OR5AN1: variants seen among roughly 807,000 people sequenced by gnomAD.
OR5AN1 encodes olfactory receptor 5AN1.
For missense variants in OR5AN1, 476 were observed against 368.9 expected, an observed-to-expected ratio of 1.29 and a Z score of -2.38; for synonymous variants, 167 against 131.8, an observed-to-expected ratio of 1.27 and a Z score of -1.83.
Position 59,364,602 on chromosome 11 carries a change from T to C in OR5AN1, c.144T>C (p.Val48=). 5 of 1,614,060 alleles carry C rather than the reference T, an allele frequency of 3.1e-6. No individual in the cohort carries two copies. Among genetic ancestry groups the C allele is most frequent in the Non-Finnish European group, 4.2e-6 (5 of 1,179,942 alleles). ...TSLAWNLSLI[V]LIRMDSHLHT... is the part of the protein sequence containing the mutation. ...TGGCCTGGAACCTCTCCCTCATTGT[T>C]TTAATAAGGATGGATTCCCACCTCC... The change falls in exon 2 of 2, where the codon GTT becomes GTC. Residue 48 remains valine, a synonymous_variant. Coordinates refer to ENST00000641998, the MANE Select transcript of OR5AN1 (RefSeq NM_001004729.2).
intron 1 of OR5AN1, among the ~76,000 whole-genome samples, chr11:59,362,372 A>G (rs1857474246): frequency 6.6e-6 from 1 of 152,144 alleles, no homozygotes; most frequent in Non-Finnish European, 1.5e-5. Flanking sequence ...GATTATATAA[A>G]TACACATCTA....
intron 1 of OR5AN1, 128 bp downstream of exon 1, chr11:59,359,400 A>T (rs1490438680): frequency 2.6e-5 from 4 of 152,212 alleles, no homozygotes; most frequent in African/African-American, 7.2e-5. Context: ...TATGTTGTCT[A>T]TAAAGCCTGA....
rs1460597560 is a variant in OR5AN1, at chr11:59,366,923, C to G, written c.*1529C>G. The G allele has an allele frequency of 6.6e-6, 1 of 152,198 alleles. No individual in the cohort carries two copies. Among genetic ancestry groups the G allele is most frequent in the Non-Finnish European group, 1.5e-5 (1 of 68,030 alleles). The allele number at this position is 152,198 out of a possible 1,614,324, so 9.4% of individuals were successfully genotyped here. A position where few individuals can be genotyped will look rare whatever the true frequency, so the allele number is the denominator to read the frequency against. The stretch of plus-strand genomic sequence containing the variant: ...GTGAAGGGGTGGGAATCCAAACTAA[C>G]ATTGCAGATATCAAAGCCTCCTCCC... On this transcript the variant is annotated 3_prime_UTR_variant, in exon 2 of 2. Transcript: ENST00000641998.
In OR5AN1 at chr11:59,365,879, A is replaced by ACAGACAGAGG. The variant is rs1207521867; in HGVS notation, c.*486_*495dup. ...TGTGTTTCTGGATGGGAAAGAATAA[A>ACAGACAGAGG]CAGACAGAGGGGTTCTGCCATTGGA... On this transcript the variant is annotated 3_prime_UTR_variant, in exon 2 of 2. Transcript: ENST00000641998. 2 of 153,028 alleles carry ACAGACAGAGG rather than the reference A, an allele frequency of 1.3e-5. No homozygotes were observed. The highest frequency in any genetic ancestry group is 4.8e-5 in the African/African-American group (2 of 41,464). The allele number at this position is 153,028 out of a possible 1,614,324, so 9.5% of individuals were successfully genotyped here.
rs1438806346 is a variant in OR5AN1 at position 59,364,446 on chromosome 11, G to A, written c.-13G>A. 1 of 1,570,520 alleles carries A rather than the reference G, an allele frequency of 6.4e-7. No homozygotes were observed. On this transcript the variant is annotated splice_region_variant and 5_prime_UTR_variant, in exon 2 of 2. Transcript: ENST00000641998. ...TCTCTTGTCTCCTTTCTGATATTAG[G>A]AGCACTGAGCCAATGACTGGGGGAG...
rs550414339 is a variant in OR5AN1, at chr11:59,371,530, C to T, written c.*6136C>T. ...TATGCTCCAGCTTCCAGGACTCCTC[C>T]CTATGCCAGAGACATTATAATAACA... On this transcript the variant is annotated 3_prime_UTR_variant, in exon 2 of 2. Transcript: ENST00000641998. 1 of 152,156 alleles carries T rather than the reference C, an allele frequency of 6.6e-6. No homozygotes were observed. Among genetic ancestry groups the T allele is most frequent in the Admixed American group, 6.6e-5 (1 of 15,258 alleles). 9.4% of individuals were successfully genotyped at this position (152,156 alleles called of 1,614,324 possible). A position where few individuals can be genotyped will look rare whatever the true frequency, so the allele number is the denominator to read the frequency against.
chr11:59,363,786 A>G (rs1275872982), intron 1 of OR5AN1, among the ~76,000 whole-genome samples: 1 of 152,162 alleles, frequency 6.6e-6, no homozygotes, highest in Non-Finnish European at 1.5e-5. Flanking sequence ...TTGTTGAAAC[A>G]GAGTCTCACT....
chr11:59,359,790 TTAAA>T (rs1167349546), intron 1 of OR5AN1: 3 of 152,180 alleles, frequency 2.0e-5, no homozygotes, highest in African/African-American at 7.2e-5. Flanking sequence ...AAGTGTTGCT[TTAAA>T]TATTCTTTGT....
Position 59,365,605 on chromosome 11 carries a change from A to G in OR5AN1, c.*211A>G. 1 of 447,484 alleles carries G rather than the reference A, an allele frequency of 2.2e-6. No homozygotes were observed. Among genetic ancestry groups the G allele is most frequent in the East Asian group, 3.4e-5 (1 of 29,750 alleles). 27.7% of individuals were successfully genotyped at this position (447,484 alleles called of 1,614,324 possible). The stretch of plus-strand genomic sequence containing the variant: ...GATCTTTAGGTCCTGGAGGTTCATT[A>G]TTTTTATCCTACATCAGGATAAATA... On this transcript the variant is annotated 3_prime_UTR_variant, in exon 2 of 2. Coordinates refer to ENST00000641998, the MANE Select transcript of OR5AN1 (RefSeq NM_001004729.2).
Position 59,365,598 on chromosome 11 carries a change from G to T in OR5AN1, c.*204G>T, listed in dbSNP as rs1282434353. Reference sequence around the variant, plus strand: ...ACATCAGGATCTTTAGGTCCTGGAGGTTCATTATTTTTATCCTACATCAGG... The same window carrying T: ...ACATCAGGATCTTTAGGTCCTGGAGTTTCATTATTTTTATCCTACATCAGG... On this transcript the variant is annotated 3_prime_UTR_variant, in exon 2 of 2. Transcript: ENST00000641998. 4.4e-6 allele frequency: 2 copies of T among 451,628 alleles called. No individual in the cohort carries two copies. Among genetic ancestry groups the T allele is most frequent in the Non-Finnish European group, 7.8e-6 (2 of 257,866 alleles). The allele number at this position is 451,628 out of a possible 1,614,324, so 28.0% of individuals were successfully genotyped here.
At position 59,368,491 on chromosome 11, in the gene OR5AN1, A is replaced by C. The variant is rs12420443; in HGVS notation, c.*3097A>C. 28,007 of 152,296 alleles carry C rather than the reference A, an allele frequency of 0.18. 3,249 individuals carry two copies. Among genetic ancestry groups the C allele is most frequent in the Non-Finnish European group, 0.27 (18,169 of 68,074 alleles). 9.4% of individuals were successfully genotyped at this position (152,296 alleles called of 1,614,324 possible). Reference sequence around the variant, plus strand: ...CAACTAATGAATGAGCAAAGACACTAAGTGCTTTATCCACACCTCTAATAA... The same window carrying C: ...CAACTAATGAATGAGCAAAGACACTCAGTGCTTTATCCACACCTCTAATAA... On this transcript the variant is annotated 3_prime_UTR_variant, in exon 2 of 2. Transcript: ENST00000641998.
At position 59,369,702 on chromosome 11, in the gene OR5AN1, G is replaced by T. The variant is rs1427276984; in HGVS notation, c.*4308G>T. 2.0e-5 allele frequency: 3 copies of T among 152,208 alleles called. No individual in the cohort carries two copies. Among genetic ancestry groups the T allele is most frequent in the African/African-American group, 7.2e-5 (3 of 41,450 alleles). 9.4% of individuals were successfully genotyped at this position (152,208 alleles called of 1,614,324 possible). A position where few individuals can be genotyped will look rare whatever the true frequency, so the allele number is the denominator to read the frequency against. On this transcript the variant is annotated 3_prime_UTR_variant, in exon 2 of 2. Coordinates refer to ENST00000641998, the MANE Select transcript of OR5AN1 (RefSeq NM_001004729.2). ...CTTGGAAAATATATTTCAGAATATT[G>T]TCCATGAAAATATCCCCAACCTTGC...
chr11:59,365,168 A>C lies in OR5AN1; in HGVS notation c.710A>C (p.Lys237Thr). 1 of 1,614,048 alleles carries C rather than the reference A, an allele frequency of 6.2e-7. No individual in the cohort carries two copies. Among genetic ancestry groups the C allele is most frequent in the Non-Finnish European group, 8.5e-7 (1 of 1,179,946 alleles). ...ATCACTTCAGCTAAAGGCAGGTCCA[A>C]GGCATTCAACACCTGTGCTTCTCAT... Reference protein sequence around the residue: ...MKITSAKGRSKAFNTCASHLT... With the variant: ...MKITSAKGRSTAFNTCASHLT... The change falls in exon 2 of 2, where the codon AAG (lysine) becomes ACG (threonine). Residue 237 changes from lysine (K) to threonine (T), a missense_variant. Lys to Thr is a moderately conservative substitution (Grantham distance 78, BLOSUM62 -1). Transcript: ENST00000641998.
At position 59,366,541 on chromosome 11, in the gene OR5AN1, A is replaced by C. The variant is rs1857536267; in HGVS notation, c.*1147A>C. On this transcript the variant is annotated 3_prime_UTR_variant, in exon 2 of 2. Coordinates refer to ENST00000641998, the MANE Select transcript of OR5AN1 (RefSeq NM_001004729.2). ...AATATACTTCATAATTTAAAATTAA[A>C]AATTTTCTCCTTGTCCAAACTGCCT... The C allele has an allele frequency of 6.6e-6, 1 of 152,188 alleles. No individual in the cohort carries two copies. The highest frequency in any genetic ancestry group is 6.5e-5 in the Admixed American group (1 of 15,280). 9.4% of individuals were successfully genotyped at this position (152,188 alleles called of 1,614,324 possible).
rs1479367955 is a variant in OR5AN1, at chr11:59,368,991, C to A, written c.*3597C>A. ...CCTACTGAATCACACCTCAAAACTT[C>A]AACACCAAAAATATCTCACTAATAT... On this transcript the variant is annotated 3_prime_UTR_variant, in exon 2 of 2. Coordinates refer to ENST00000641998, the MANE Select transcript of OR5AN1 (RefSeq NM_001004729.2). 6.6e-6 allele frequency: 1 copy of A among 152,178 alleles called. No homozygotes were observed. The allele number at this position is 152,178 out of a possible 1,614,324, so 9.4% of individuals were successfully genotyped here. A position where few individuals can be genotyped will look rare whatever the true frequency, so the allele number is the denominator to read the frequency against.
intron 1 of OR5AN1, among the ~76,000 whole-genome samples, chr11:59,362,390 C>T (rs1234559955): frequency 6.6e-6 from 1 of 152,048 alleles, no homozygotes; most frequent in Non-Finnish European, 1.5e-5. Flanking sequence ...CTATTTATTC[C>T]TCAAATACTC....
chr11:59,360,227 T>TAC (rs1857448747), intron 1 of OR5AN1: 1 of 152,178 alleles, frequency 6.6e-6, no homozygotes, highest in East Asian at 1.9e-4. Flanking sequence ...AATAAAAAAG[T>TAC]AAAGAGTTTC....
At chr11:59,362,193 TG>T (rs1324367432) in intron 1 of OR5AN1, among the ~76,000 whole-genome samples, 1 of 152,188 alleles carries the variant, frequency 6.6e-6, no homozygotes, top group Non-Finnish European at 1.5e-5. Flanking sequence ...ATAATTATAT[TG>T]TCTTTTTCTG....
At chr11:59,362,421 G>T (rs903022747) in intron 1 of OR5AN1, among the ~76,000 whole-genome samples, 1 of 152,056 alleles carries the variant, frequency 6.6e-6, no homozygotes, top group Non-Finnish European at 1.5e-5. Flanking sequence ...AGTGAGGCAG[G>T]TCTCACAGAC....
Sources: gnomAD v4.1 joint callset for allele counts (sites outside exome capture counted in the v4.1 genomes callset) on GRCh38, gnomAD v4.1.1 for gene constraint, MANE v1.5 for transcripts, NCBI Gene and HGNC (gene_info 2026-07-23, HGNC 2026-07-21) for gene names.